The following ANTXR2 variants were observed in gnomAD, a reference collection of about 807,000 sequenced individuals.
ANTXR2 encodes the protein ANTXR cell adhesion molecule 2.
A neutral mutation model predicts 73.7 loss-of-function variants in ANTXR2; 44 were observed. The observed-to-expected ratio is 0.60, with a 90% CI of 0.47 to 0.77. ANTXR2 has a LOEUF of 0.77. Ranked by LOEUF, ANTXR2 falls within the 30% of genes least tolerant of loss-of-function variation. ANTXR2 has a pLI of 0.00. For synonymous variants in ANTXR2, 217 were observed against 205.9 expected, an observed-to-expected ratio of 1.05 and a Z score of -0.46; for missense variants, 604 against 592.5, an observed-to-expected ratio of 1.02 and a Z score of -0.20.
chr4:79,961,967 G>A (rs1219047493), intron 16 of ANTXR2, among the ~76,000 whole-genome samples: 2 of 152,024 alleles, frequency 1.3e-5, no homozygotes, highest in Non-Finnish European at 2.9e-5. Context: ...TATATGGGGA[G>A]GGGAGACAAC....
intron 13 of ANTXR2, 65 bp downstream of exon 13, chr4:79,984,747 ATTAAATT>A: frequency 7.7e-7 from 1 of 1,304,296 alleles, no homozygotes. Flanking sequence ...GACAAAATTG[ATTAAATT>A]TGGGCATGGT....
intron 10 of ANTXR2, among the ~76,000 whole-genome samples, chr4:80,029,556 T>C (rs1256541383): frequency 6.6e-6 from 1 of 151,848 alleles, no homozygotes; most frequent in Non-Finnish European, 1.5e-5. Flanking sequence ...TAAGTGCTAG[T>C]AATACAACAA....
chr4:80,011,692 A>G (rs981279494), intron 11 of ANTXR2, among the ~76,000 whole-genome samples: 7 of 152,266 alleles, frequency 4.6e-5, no homozygotes, highest in African/African-American at 1.7e-4. Flanking sequence ...TGATTACGGG[A>G]CTGAATTCTG....
intron 7 of ANTXR2, among the ~76,000 whole-genome samples, chr4:80,044,788 T>A (rs902214035): frequency 6.6e-6 from 1 of 151,876 alleles, no homozygotes; most frequent in Admixed American, 6.6e-5. Flanking sequence ...ATAAAAACTT[T>A]TAAAATGAAT....
At chr4:79,908,609 A>G (rs1343630492) in intron 16 of ANTXR2, among the ~76,000 whole-genome samples, 2 of 152,190 alleles carry the variant, frequency 1.3e-5, no homozygotes, top group Non-Finnish European at 1.5e-5. Flanking sequence ...TCATCAAATT[A>G]TCTGTCTTTT....
intron 12 of ANTXR2, among the ~76,000 whole-genome samples, chr4:79,993,772 A>ACACACACG (rs1452771559): frequency 6.6e-6 from 1 of 151,360 alleles, no homozygotes. Context: ...ACACACACAC[A>ACACACACG]CACACACACA....
intron 3 of ANTXR2, among the ~76,000 whole-genome samples, chr4:80,065,534 G>A (rs952272592): frequency 6.6e-6 from 1 of 152,190 alleles, no homozygotes; most frequent in Non-Finnish European, 1.5e-5. Flanking sequence ...AATCATGAGA[G>A]CAAGAGAAAA....
intron 3 of ANTXR2, among the ~76,000 whole-genome samples, chr4:80,066,952 C>A (rs1734525789): frequency 6.6e-6 from 1 of 152,136 alleles, no homozygotes; most frequent in Non-Finnish European, 1.5e-5. Context: ...AATCCTAGCA[C>A]TTTGGGAGGC....
At chr4:80,021,493 C>T (rs897054273) in intron 10 of ANTXR2, among the ~76,000 whole-genome samples, 3 of 152,066 alleles carry the variant, frequency 2.0e-5, no homozygotes, top group African/African-American at 7.2e-5. Flanking sequence ...TGCAGGTAAT[C>T]TTACTGATTC....
At chr4:80,047,925 T>A (rs144077778) in intron 7 of ANTXR2, among the ~76,000 whole-genome samples, 69 of 151,792 alleles carry the variant, frequency 4.5e-4, no homozygotes, top group African/African-American at 1.6e-3. Context: ...TGAGTTCTTG[T>A]CATGTGAAAT....
chr4:80,069,439 T>C lies in ANTXR2; in HGVS notation c.293A>G (p.Asp98Gly). Residue 98 changes from aspartate to glycine, a missense_variant, in exon 3 of 17, where the codon GAC becomes GGC. By Grantham distance (94) the Asp-to-Gly change is moderately conservative (BLOSUM62 -1). Transcript: ENST00000403729. The part of the protein sequence containing the change: ...QATIILPLTG[D>G]RGKISKGLED... ...AGTGAAATGATAATGCACTAACCTG[T>C]CTCCAGTTAATGGCAAAATAATAGT... The C allele has an allele frequency of 1.3e-6, 2 of 1,589,382 alleles. No individual in the cohort carries two copies. The highest frequency in any genetic ancestry group is 1.3e-5 in the African/African-American group (1 of 74,500).
chr4:80,064,336 T>G (rs1734397524), intron 3 of ANTXR2, among the ~76,000 whole-genome samples: 1 of 152,216 alleles, frequency 6.6e-6, no homozygotes, highest in Non-Finnish European at 1.5e-5. Context: ...TTATTTATTA[T>G]GTGGTATAAT....
At chr4:79,932,897 G>A (rs1045687158) in intron 16 of ANTXR2, among the ~76,000 whole-genome samples, 1 of 150,870 alleles carries the variant, frequency 6.6e-6, no homozygotes, top group Middle Eastern at 3.5e-3. Flanking sequence ...CTACATTGCA[G>A]AAAGGATTCC....
chr4:80,042,904 G>A (rs558895639), intron 7 of ANTXR2, among the ~76,000 whole-genome samples: 9 of 152,010 alleles, frequency 5.9e-5, no homozygotes, highest in South Asian at 2.1e-4. Context: ...CTTTTTAACC[G>A]ATGGTTGTTC....
Position 79,977,665 on chromosome 4 carries a change from G to T in ANTXR2, c.1384C>A (p.Gln462Lys), listed in dbSNP as rs745368351. The change falls in exon 16 of 17, where the codon CAG (glutamine) becomes AAG (lysine). Residue 462 changes from glutamine to lysine, a missense_variant. Coordinates refer to ENST00000403729, the MANE Select transcript of ANTXR2 (RefSeq NM_058172.6). ...CGCATCAAAGAAACCCGGTCATACT[G>T]CCGCCTCAACAAAGCCCAGAGAGCA... ...LDALWALLRR[Q>K]YDRVSLMRPQ... 3.2e-6 allele frequency: 5 copies of T among 1,581,462 alleles called. No homozygotes were observed. Among genetic ancestry groups the T allele is most frequent in the Non-Finnish European group, 4.3e-6 (5 of 1,162,810 alleles).
At chr4:79,919,865 TTATATA>T (rs869257072) in intron 16 of ANTXR2, among the ~76,000 whole-genome samples, 530 of 16,990 alleles carry the variant, frequency 0.031, 3 homozygotes, top group Non-Finnish European at 0.038. Context: ...AATACATATT[TTATATA>T]TATATATATA....
chr4:80,059,793 C>A (rs1390238913), intron 3 of ANTXR2, among the ~76,000 whole-genome samples: 1 of 151,998 alleles, frequency 6.6e-6, no homozygotes, highest in East Asian at 1.9e-4. Context: ...GGAAAATAGC[C>A]ACCACAACTG....
chr4:79,984,740 A>C, intron 13 of ANTXR2, 79 bp downstream of exon 13: 1 of 1,252,020 alleles, frequency 8.0e-7, no homozygotes, highest in Non-Finnish European at 1.1e-6. Flanking sequence ...TCTAACAGAC[A>C]AAATTGATTA....
intron 3 of ANTXR2, among the ~76,000 whole-genome samples, chr4:80,063,299 A>G (rs1734346094): frequency 6.6e-6 from 1 of 152,272 alleles, no homozygotes; most frequent in Non-Finnish European, 1.5e-5. Flanking sequence ...CCAAGGTCCA[A>G]TTCTGGTCCT....
Sources: gnomAD v4.1 joint callset for allele counts (sites outside exome capture counted in the v4.1 genomes callset) on GRCh38, gnomAD v4.1.1 for gene constraint, MANE v1.5 for transcripts, NCBI Gene and HGNC (gene_info 2026-07-23, HGNC 2026-07-21) for gene names.